Variants in ZNF469 observed in about 807,000 individuals in gnomAD.
ZNF469 encodes zinc finger protein 469.
A neutral mutation model predicts 1.0 loss-of-function variants in ZNF469; 1 was observed. The ratio of observed to expected loss-of-function variants is 1.00; its 90% CI spans 0.35 to 4.73. The LOEUF is 4.73. Among genes scored for constraint, ZNF469 ranks in the 30% most tolerant of loss-of-function variants. The pLI is 0.16. For missense variants in ZNF469, 6,100 were observed against 5,356.3 expected, an observed-to-expected ratio of 1.14 and a Z score of -4.33; for synonymous variants, 2,703 against 2,363.4, an observed-to-expected ratio of 1.14 and a Z score of -4.17.
chr16:88,151,315 C>A, the ZNF469 span, among the ~76,000 whole-genome samples: 1 of 152,228 alleles, frequency 6.6e-6, no homozygotes, highest in African/African-American at 2.4e-5. The surrounding 1 kb of genome is among the most constrained non-coding windows in gnomAD (Gnocchi z 5.4). Flanking sequence ...GGAGCGTCCA[C>A]GTGGTCAGCC....
the ZNF469 span, among the ~76,000 whole-genome samples, chr16:88,197,540 A>G: frequency 6.6e-6 from 1 of 152,208 alleles, no homozygotes; most frequent in Non-Finnish European, 1.5e-5. Context: ...CATTTGGGAG[A>G]AAGCCCTTGC....
chr16:88,381,523 C>T (rs923246088), upstream of ZNF469, among the ~76,000 whole-genome samples: 1 of 152,222 alleles, frequency 6.6e-6, no homozygotes, highest in Non-Finnish European at 1.5e-5. Context: ...GGGTCTTTGT[C>T]CACAGCCAGG....
chr16:88,107,497 C>G, the ZNF469 span, among the ~76,000 whole-genome samples: 11 of 152,182 alleles, frequency 7.2e-5, no homozygotes, highest in Non-Finnish European at 1.5e-4. Context: ...CCCCTGGGCT[C>G]TCCCTCCACA....
chr16:88,203,369 C>G, the ZNF469 span, among the ~76,000 whole-genome samples: 20 of 152,192 alleles, frequency 1.3e-4, no homozygotes, highest in Admixed American at 1.1e-3. Flanking sequence ...AGTCCGCACA[C>G]AGGTGCCCGG....
chr16:88,386,602 G>A (rs74036009), intron 1 of ZNF469, among the ~76,000 whole-genome samples: 10,258 of 152,204 alleles, frequency 0.067, 428 homozygotes, highest in African/African-American at 0.11. Context: ...CCGGTGACTC[G>A]GAGGGTCCCG....
chr16:88,371,886 T>C, the ZNF469 span, among the ~76,000 whole-genome samples: 1,691 of 105,170 alleles, frequency 0.016, 23 homozygotes, highest in African/African-American at 0.05. Context: ...CCATCACCAT[T>C]ATCACCATCA....
rs1456568601 is a variant in ZNF469, at chr16:88,432,357, C to T, written c.4887C>T (p.Arg1629=). ...EDTFSAADLT[R]VGESTAHREG... ...CGTTCTCGGCAGCTGACCTCACGCG[C>T]GTTGGAGAATCCACTGCACATCGGG... Residue 1629 remains arginine, a synonymous_variant, in exon 3 of 3, where the codon CGC becomes CGT. Coordinates refer to ENST00000565624, the MANE Select transcript of ZNF469 (RefSeq NM_001367624.2). 5 of 1,548,660 alleles carry T rather than the reference C, an allele frequency of 3.2e-6. No homozygotes were observed. The highest frequency in any genetic ancestry group is 1.7e-4 in the Middle Eastern group (1 of 5,992).
the ZNF469 span, among the ~76,000 whole-genome samples, chr16:88,148,262 C>T: frequency 1.3e-5 from 2 of 152,124 alleles, no homozygotes; most frequent in East Asian, 1.9e-4. Flanking sequence ...GAGACTCCCT[C>T]GGGGCCTCGT....
chr16:88,387,142 C>T (rs572886133), intron 1 of ZNF469, among the ~76,000 whole-genome samples: 3 of 152,312 alleles, frequency 2.0e-5, no homozygotes, highest in Non-Finnish European at 4.4e-5. Context: ...CCCAGAGACC[C>T]GCGGCAGCCC....
chr16:88,186,001 GCACA>G, the ZNF469 span, among the ~76,000 whole-genome samples: 1 of 152,104 alleles, frequency 6.6e-6, no homozygotes, highest in Non-Finnish European at 1.5e-5. Flanking sequence ...TCACACATTC[GCACA>G]CTCAGAGTGC....
chr16:88,104,055 G>T, the ZNF469 span, among the ~76,000 whole-genome samples: 13 of 151,838 alleles, frequency 8.6e-5, no homozygotes, highest in African/African-American at 3.1e-4. Flanking sequence ...TGGTTCGTAG[G>T]GTGCTTTTTA....
At chr16:88,260,341 A>G in the ZNF469 span, among the ~76,000 whole-genome samples, 1 of 152,174 alleles carries the variant, frequency 6.6e-6, no homozygotes, top group Non-Finnish European at 1.5e-5. The surrounding 1 kb of genome is among the most constrained non-coding windows in gnomAD (Gnocchi z 4.1). Flanking sequence ...GTGTTTCCAC[A>G]ATACGACACG....
At chr16:88,228,061 C>G in the ZNF469 span, among the ~76,000 whole-genome samples, 1 of 152,386 alleles carries the variant, frequency 6.6e-6, no homozygotes, top group African/African-American at 2.4e-5. Context: ...GGACACCCAC[C>G]GTTGCATTTA....
the ZNF469 span, among the ~76,000 whole-genome samples, chr16:88,230,904 C>G: frequency 2.6e-5 from 4 of 151,954 alleles, no homozygotes; most frequent in African/African-American, 9.7e-5. Context: ...CGGGAGCTGT[C>G]AGCATGCTGG....
chr16:88,256,378 TTGC>T, the ZNF469 span, among the ~76,000 whole-genome samples: 1 of 152,258 alleles, frequency 6.6e-6, no homozygotes, highest in Non-Finnish European at 1.5e-5. Flanking sequence ...CTTTCATGGT[TTGC>T]AGCTCATTTC....
At chr16:88,388,336 G>A (rs1167674442) in intron 1 of ZNF469, among the ~76,000 whole-genome samples, 2 of 152,246 alleles carry the variant, frequency 1.3e-5, no homozygotes, top group African/African-American at 2.4e-5. Context: ...CTGTTCGCAG[G>A]GCCAGCATCC....
At chr16:88,325,275 C>T in the ZNF469 span, among the ~76,000 whole-genome samples, 25 of 141,878 alleles carry the variant, frequency 1.8e-4, no homozygotes, top group Admixed American at 3.6e-4. Flanking sequence ...CTACAGGCTC[C>T]GTAAGCTGCC....
the ZNF469 span, among the ~76,000 whole-genome samples, chr16:88,352,254 T>G: frequency 6.6e-6 from 1 of 152,212 alleles, no homozygotes; most frequent in Non-Finnish European, 1.5e-5. Context: ...CACCGAACTG[T>G]GCCCTTTCAG....
intron 1 of ZNF469, among the ~76,000 whole-genome samples, chr16:88,386,379 G>A (rs374196939): frequency 3.0e-4 from 45 of 152,002 alleles, no homozygotes; most frequent in African/African-American, 9.9e-4. Flanking sequence ...GGACCCCACC[G>A]TCCCGCCCCA....
Sources: allele counts gnomAD v4.1 joint callset (sites outside exome capture counted in the v4.1 genomes callset), GRCh38; gene constraint gnomAD v4.1.1; non-coding constraint Gnocchi (gnomAD v3.1); transcripts MANE v1.5; gene names NCBI Gene and HGNC (gene_info 2026-07-23, HGNC 2026-07-21).